The following TTC28 variants were observed in gnomAD, a reference collection of about 807,000 sequenced individuals.
TTC28 encodes the protein tetratricopeptide repeat protein 28.
A neutral mutation model predicts 198.0 loss-of-function variants in TTC28; 61 were observed. The ratio of observed to expected loss-of-function variants is 0.31; its 90% confidence interval spans 0.25 to 0.38. The LOEUF is 0.38. TTC28 is among the 10% of genes least tolerant of loss of function. The pLI, the probability that TTC28 is intolerant of heterozygous loss-of-function variation, is 1.00. For missense variants in TTC28, 2,678 were observed against 3,164.0 expected (o/e 0.85, Z 3.69); for synonymous variants, 1,171 against 1,297.8 (o/e 0.90, Z 2.10).
rs899856760 is a variant in TTC28 at position 28,274,195 on chromosome 22, C to A, written c.933+22003G>T. 3.9e-5 allele frequency among the ~76,000 whole-genome samples: 6 copies of A among 152,168 alleles called. No individual in the cohort carries two copies. The East Asian group carries it at 9.6e-4, about 24-fold the overall frequency. On this transcript the variant is annotated intron_variant, in intron 5 of 22. Transcript: ENST00000397906. ...AGAAACGCTAATGAGTTACTGGTAA[C>A]TCCAGTTTCTGATATGCAGAGAGGG...
At chr22:28,035,984 C>T (rs1601543015) in intron 12 of TTC28, among the ~76,000 whole-genome samples, 1 of 152,150 alleles carries the variant, frequency 6.6e-6, no homozygotes, top group South Asian at 2.1e-4. Flanking sequence ...TCCAGATTCA[C>T]ACAGCAAGTC....
chr22:28,381,346 G>A (rs1372948903), intron 2 of TTC28, among the ~76,000 whole-genome samples: 1 of 152,098 alleles, frequency 6.6e-6, no homozygotes, highest in Non-Finnish European at 1.5e-5. Flanking sequence ...GAATGAATAA[G>A]CCTACCTTAG....
intron 2 of TTC28, among the ~76,000 whole-genome samples, chr22:28,519,233 A>C (rs552675511): frequency 6.6e-6 from 1 of 152,358 alleles, no homozygotes; most frequent in South Asian, 2.1e-4. Context: ...CATTAGGAAT[A>C]GAAGAACATA....
At chr22:28,582,483 C>T (rs556123354) in intron 2 of TTC28, among the ~76,000 whole-genome samples, 1 of 152,042 alleles carries the variant, frequency 6.6e-6, no homozygotes, top group Non-Finnish European at 1.5e-5. Context: ...ACTAAAGACA[C>T]CACCTAATTA....
intron 5 of TTC28, among the ~76,000 whole-genome samples, chr22:28,210,247 A>G (rs1926810980): frequency 6.6e-6 from 1 of 152,234 alleles, no homozygotes; most frequent in South Asian, 2.1e-4. Context: ...CACCAAAGGA[A>G]CGCAGCTTCT....
chr22:28,608,991 CA>C (rs935566143), intron 2 of TTC28, among the ~76,000 whole-genome samples: 4 of 150,956 alleles, frequency 2.6e-5, no homozygotes, highest in African/African-American at 9.7e-5. Flanking sequence ...AGTTTTCAAC[CA>C]AAAAAAAGAT....
At chr22:28,064,091 C>T (rs1940659684) in intron 12 of TTC28, among the ~76,000 whole-genome samples, 3 of 152,066 alleles carry the variant, frequency 2.0e-5, no homozygotes, top group Admixed American at 1.3e-4. Context: ...ATAGGATAAG[C>T]ATGGCAGACA....
intron 2 of TTC28, among the ~76,000 whole-genome samples, chr22:28,307,245 CTTT>C (rs1204754645): frequency 1.3e-5 from 2 of 152,092 alleles, no homozygotes; most frequent in Non-Finnish European, 2.9e-5. Flanking sequence ...CCTTTGTATT[CTTT>C]AAGTGAATTA....
At chr22:28,378,282 G>A (rs573230794) in intron 2 of TTC28, among the ~76,000 whole-genome samples, 1 of 147,358 alleles carries the variant, frequency 6.8e-6, no homozygotes, top group East Asian at 2.0e-4. Context: ...GGAGGCGGAG[G>A]TTGCAGTGAG....
At position 28,217,664 on chromosome 22, in the gene TTC28, G is replaced by C. The variant is rs181383486; in HGVS notation, c.934-54065C>G. Among the ~76,000 whole-genome samples, 8 of 152,236 alleles carry C rather than the reference G, an allele frequency of 5.3e-5. No homozygotes were observed. In the East Asian group the frequency reaches 1.5e-3, roughly 29 times the overall value. The stretch of plus-strand genomic sequence containing the variant: ...AGAACAAGAAGCAGCACAGTATAAT[G>C]CATCAGTTCTAAAAACACTTTTTAG... On this transcript the variant is annotated intron_variant, in intron 5 of 22. Transcript: ENST00000397906.
chr22:28,116,322 T>C (rs1942629374), intron 6 of TTC28, among the ~76,000 whole-genome samples: 1 of 152,222 alleles, frequency 6.6e-6, no homozygotes, highest in Non-Finnish European at 1.5e-5. Flanking sequence ...CTGTAAATCC[T>C]GAGGCAGTGG....
chr22:27,983,941 T>A, intron 22 of TTC28, 90 bp from the exon 23 acceptor site: 1 of 1,314,780 alleles, frequency 7.6e-7, no homozygotes, highest in South Asian at 1.5e-5. Flanking sequence ...TTTATATGCA[T>A]AGAAGCTAGC....
At chr22:28,145,815 A>C (rs1943455927) in intron 6 of TTC28, among the ~76,000 whole-genome samples, 1 of 152,218 alleles carries the variant, frequency 6.6e-6, no homozygotes, top group South Asian at 2.1e-4. Flanking sequence ...TAATGATTAC[A>C]ACAGTTTTGA....
At chr22:28,072,529 C>T (rs1171712465) in intron 12 of TTC28, among the ~76,000 whole-genome samples, 1 of 152,156 alleles carries the variant, frequency 6.6e-6, no homozygotes, top group African/African-American at 2.4e-5. Context: ...CTTCTAAATC[C>T]TGGTCAGGAG....
intron 2 of TTC28, among the ~76,000 whole-genome samples, chr22:28,546,452 C>CAACA (rs775897346): frequency 6.6e-6 from 1 of 152,042 alleles, no homozygotes; most frequent in Non-Finnish European, 1.5e-5. Flanking sequence ...CTCAAAAAAA[C>CAACA]AACAAACAAA....
At chr22:28,404,052 A>G (rs1306503088) in intron 2 of TTC28, among the ~76,000 whole-genome samples, 1 of 152,214 alleles carries the variant, frequency 6.6e-6, no homozygotes, top group Non-Finnish European at 1.5e-5. Flanking sequence ...AATGACACAT[A>G]GCTACTAACA....
At chr22:28,670,513 T>C (rs1241746623) in intron 1 of TTC28, among the ~76,000 whole-genome samples, 1 of 152,132 alleles carries the variant, frequency 6.6e-6, no homozygotes, top group Non-Finnish European at 1.5e-5. Flanking sequence ...CCTCAGTACT[T>C]CTTCCTTTTA....
chr22:28,165,621 T>C (rs986144798), intron 5 of TTC28, among the ~76,000 whole-genome samples: 12 of 152,224 alleles, frequency 7.9e-5, no homozygotes, highest in South Asian at 4.1e-4. Context: ...TACAGACAAG[T>C]AAATGTTGAC....
chr22:28,350,735 C>T (rs2045980711), intron 2 of TTC28, among the ~76,000 whole-genome samples: 1 of 152,168 alleles, frequency 6.6e-6, no homozygotes, highest in Non-Finnish European at 1.5e-5. Flanking sequence ...GGAGTTAACA[C>T]ACAAAAGTAG....
Sources: allele counts gnomAD v4.1 joint callset (sites outside exome capture counted in the v4.1 genomes callset), GRCh38; gene constraint gnomAD v4.1.1; transcripts MANE v1.5; gene names NCBI Gene and HGNC (gene_info 2026-07-23, HGNC 2026-07-21).